The following SLC6A18 variants were observed in gnomAD, a reference collection of about 807,000 sequenced individuals.
SLC6A18 encodes the protein solute carrier family 6 member 18.
In SLC6A18, 58 loss-of-function variants were observed where a neutral mutation model predicts 62.9. That is an observed-to-expected ratio of 0.92 (90% CI 0.75 to 1.15). SLC6A18 has a LOEUF of 1.15. SLC6A18 is among the 50% of genes most tolerant of loss of function. SLC6A18 has a pLI of 0.00. For missense variants in SLC6A18, 793 were observed against 836.6 expected, an observed-to-expected ratio of 0.95 and a Z score of 0.64; for synonymous variants, 382 against 365.8, an observed-to-expected ratio of 1.04 and a Z score of -0.51.
At chr5:1,240,939 C>CAT (rs1171128959) in intron 7 of SLC6A18, among the ~76,000 whole-genome samples, 2 of 152,138 alleles carry the variant, frequency 1.3e-5, no homozygotes, top group African/African-American at 4.8e-5. Flanking sequence ...GAAGAGGAGA[C>CAT]AGACACAGAG....
intron 4 of SLC6A18, among the ~76,000 whole-genome samples, chr5:1,236,948 C>T (rs1249262664): frequency 6.6e-6 from 1 of 151,960 alleles, no homozygotes; most frequent in African/African-American, 2.4e-5. Context: ...AAAAATGCAT[C>T]CCAAGCTGGG....
At chr5:1,238,092 T>C in intron 5 of SLC6A18, 32 bp downstream of exon 5, 1 of 1,517,698 alleles carries the variant, frequency 6.6e-7, no homozygotes, top group Non-Finnish European at 9.2e-7. Flanking sequence ...GTTCAGGGCC[T>C]CCAGCACACA....
In SLC6A18 at chr5:1,235,522, T is replaced by C. The variant is rs753535835; in HGVS notation, c.481T>C (p.Phe161Leu). 2 of 1,614,062 alleles carry C rather than the reference T, an allele frequency of 1.2e-6. No individual in the cohort carries two copies. Among genetic ancestry groups the C allele is most frequent in the South Asian group, 2.2e-5 (2 of 91,092 alleles). Residue 161 changes from phenylalanine (F) to leucine (L), a missense_variant, in exon 4 of 12, where the codon TTC becomes CTC. Physicochemically the swap from Phe to Leu is conservative, Grantham distance 22 (BLOSUM62 0). Transcript: ENST00000324642. ...CCAGGGCAGCAGCGCCGTGAGCTACTTCTGGTACCGGCAGACACTGAACAT... is the reference window on the plus strand; with the variant it reads ...CCAGGGCAGCAGCGCCGTGAGCTACCTCTGGTACCGGCAGACACTGAACAT... ...ECQGSSAVSY[F>L]WYRQTLNITA...
rs7704058 is a variant in SLC6A18 at position 1,225,498 on chromosome 5, G to A, written c.21G>A (p.Pro7=). Residue 7 remains proline, a synonymous_variant, in exon 1 of 12, where the codon CCG becomes CCA. Transcript: ENST00000324642. MAHAPE[P]DPAACDLGDE... ...TCACCATGGCTCATGCCCCAGAACC[G>A]GACCCGGCCGCCTGCGACCTCGGGG... The A allele has an allele frequency of 0.78, 1,251,121 of 1,611,954 alleles. 487,331 individuals are homozygous for A. The highest frequency in any genetic ancestry group is 0.82 in the African/African-American group (61,495 of 74,912).
intron 2 of SLC6A18, 41 bp from the exon 3 acceptor site, chr5:1,232,710 G>A (rs768326574): frequency 1.9e-6 from 3 of 1,567,146 alleles, no homozygotes; most frequent in African/African-American, 1.4e-5. Context: ...AGGGAGCTGG[G>A]AAGGAGCCCC....
Position 1,246,126 on chromosome 5 carries a change from G to C in SLC6A18, c.*48G>C, listed in dbSNP as rs922577943. The stretch of plus-strand genomic sequence containing the variant: ...ATGGGCGGGTCTGTGGGGGGGCTTG[G>C]CCTGATGGTGGGCGGGGCCCCGCCC... On this transcript the variant is annotated 3_prime_UTR_variant, in exon 12 of 12. Transcript: ENST00000324642. The C allele has an allele frequency of 2.6e-6, 4 of 1,510,408 alleles. No homozygotes were observed. In the Admixed American group the frequency reaches 8.5e-5, roughly 32 times the overall value. The allele number at this position is 1,510,408 out of a possible 1,614,324, so 93.6% of individuals were successfully genotyped here. A position where few individuals can be genotyped will look rare whatever the true frequency, so the allele number is the denominator to read the frequency against.
At chr5:1,233,383 CAGA>C (rs986703632) in intron 3 of SLC6A18, among the ~76,000 whole-genome samples, 3 of 152,072 alleles carry the variant, frequency 2.0e-5, no homozygotes, top group African/African-American at 7.2e-5. Context: ...GAGGCTGAGA[CAGA>C]AGAATTGCTT....
At chr5:1,237,190 G>A (rs1003571552) in intron 4 of SLC6A18, among the ~76,000 whole-genome samples, 3 of 144,762 alleles carry the variant, frequency 2.1e-5, no homozygotes, top group South Asian at 2.2e-4. Context: ...GCAGTGAGCC[G>A]AGATTGGGCC....
In SLC6A18 at chr5:1,239,751, T is replaced by C. The variant is rs779825833; in HGVS notation, c.845+189T>C. ...CGGAGCTGGCTGCAGGAAGACAGCC[T>C]GGATAATCACACCCAGGAACCAGGG... is the stretch of plus-strand genomic sequence containing the variant. On this transcript the variant is annotated intron_variant, in intron 6 of 11. Transcript: ENST00000324642. 3.0e-4 allele frequency among the ~76,000 whole-genome samples: 46 copies of C among 152,284 alleles called. 1 individual carries two copies. Among genetic ancestry groups the C allele is most frequent in the Middle Eastern group, 3.4e-3 (1 of 294 alleles).
intron 3 of SLC6A18, 92 bp downstream of exon 3, chr5:1,232,980 C>T (rs951884014): frequency 4.3e-5 from 65 of 1,504,780 alleles, no homozygotes; most frequent in Middle Eastern, 4.5e-4. Context: ...CTGCGGGTGG[C>T]GGATGCTCAC....
rs1747116056 is a variant in SLC6A18, at chr5:1,243,365, G to A, written c.1132-190G>A. Among the ~76,000 whole-genome samples the A allele has an allele frequency of 6.6e-6, 1 of 152,168 alleles. No homozygotes were observed. Among genetic ancestry groups the A allele is most frequent in the Admixed American group, 6.5e-5 (1 of 15,282 alleles). ...TATTAAAGGGGAAGGACCCTCCCCT[G>A]CAGAGTTGCGCTTGCAGCCTCGTCT... On this transcript the variant is annotated intron_variant, in intron 8 of 11. Transcript: ENST00000324642. The surrounding 1 kb of genome is among the most constrained non-coding windows in gnomAD (Gnocchi z 6.5).
intron 5 of SLC6A18, among the ~76,000 whole-genome samples, chr5:1,238,889 C>A (rs1039810638): frequency 1.3e-5 from 2 of 152,226 alleles, no homozygotes; most frequent in Non-Finnish European, 2.9e-5. Context: ...CTCCAGGAGC[C>A]TGCACGGCTT....
intron 3 of SLC6A18, 54 bp from the exon 4 acceptor site, chr5:1,235,427 T>TGGCGAGGGTGCCTACGCCCCAC: frequency 6.4e-7 from 1 of 1,573,974 alleles, no homozygotes; most frequent in South Asian, 1.1e-5. Flanking sequence ...AAGAGCCACA[T>TGGCGAGGGTGCCTACGCCCCAC]GGTGAGGGTG....
chr5:1,235,540 C>A lies in SLC6A18; in HGVS notation c.499C>A (p.Leu167Met), dbSNP rs1318857007. Residue 167 changes from leucine to methionine, a missense_variant, in exon 4 of 12, where the codon CTG becomes ATG. Physicochemically the swap from Leu to Met is conservative, Grantham distance 15 (BLOSUM62 2). Coordinates refer to ENST00000324642, the MANE Select transcript of SLC6A18 (RefSeq NM_182632.3). ...AVSYFWYRQT[L>M]NITADINDSG... is the part of the protein sequence containing the mutation. ...GAGCTACTTCTGGTACCGGCAGACACTGAACATCACAGCCGACATCAATGA... is the reference window on the plus strand; with the variant it reads ...GAGCTACTTCTGGTACCGGCAGACAATGAACATCACAGCCGACATCAATGA... 1.2e-6 allele frequency: 2 copies of A among 1,613,936 alleles called. No individual in the cohort carries two copies. The highest frequency in any genetic ancestry group is 2.2e-5 in the East Asian group (1 of 44,896).
chr5:1,227,617 C>T (rs904168665), intron 1 of SLC6A18, among the ~76,000 whole-genome samples: 5 of 152,182 alleles, frequency 3.3e-5, no homozygotes, highest in Non-Finnish European at 7.3e-5. Flanking sequence ...CTACCAAAGG[C>T]GAATATTATT....
chr5:1,238,341 G>GAGGA (rs1369486486), intron 5 of SLC6A18, among the ~76,000 whole-genome samples: 33 of 112,648 alleles, frequency 2.9e-4, no homozygotes, highest in Non-Finnish European at 4.6e-4. Context: ...AGTGAGCCTG[G>GAGGA]GGCCTCAGGA....
chr5:1,244,564 C>G, intron 10 of SLC6A18, 44 bp from the exon 11 acceptor site: 1 of 1,562,886 alleles, frequency 6.4e-7, no homozygotes, highest in Non-Finnish European at 8.7e-7. Flanking sequence ...AGTGGGTGGA[C>G]CTTCCACAGA....
intron 11 of SLC6A18, among the ~76,000 whole-genome samples, chr5:1,245,424 C>A (rs916213602): frequency 6.6e-6 from 1 of 152,158 alleles, no homozygotes; most frequent in Non-Finnish European, 1.5e-5. Context: ...AAAGTCCCTC[C>A]GTAGCAGAAC....
intron 7 of SLC6A18, 142 bp from the exon 8 acceptor site, chr5:1,242,565 G>A: frequency 8.8e-7 from 1 of 1,137,476 alleles, no homozygotes; most frequent in Non-Finnish European, 1.2e-6. Flanking sequence ...AACAGGGGCA[G>A]GAGGGGCCCA....
Sources: allele counts gnomAD v4.1 joint callset (sites outside exome capture counted in the v4.1 genomes callset), GRCh38; gene constraint gnomAD v4.1.1; non-coding constraint Gnocchi (gnomAD v3.1); transcripts MANE v1.5; gene names NCBI Gene and HGNC (gene_info 2026-07-23, HGNC 2026-07-21).